Variants in PHACTR1 observed in about 807,000 individuals in gnomAD.
PHACTR1 encodes phosphatase and actin regulator 1.
In PHACTR1, 16 loss-of-function variants were observed where a neutral mutation model predicts 69.2. The observed-to-expected ratio is 0.23, with a 90% CI of 0.16 to 0.35. The LOEUF (loss-of-function observed/expected upper bound fraction) is 0.35. Among genes scored for constraint, PHACTR1 ranks in the 10% least tolerant of loss-of-function variants. The pLI is 1.00. For synonymous variants in PHACTR1, 312 were observed against 284.5 expected (o/e 1.10, Z -0.97); for missense variants, 510 against 734.7 (o/e 0.69, Z 3.54).
At chr6:13,236,109 G>C (rs1771951723) in intron 10 of PHACTR1, among the ~76,000 whole-genome samples, 1 of 148,736 alleles carries the variant, frequency 6.7e-6, no homozygotes, top group Admixed American at 6.7e-5. Flanking sequence ...TTTTTTGGCA[G>C]TCAGAGTTGA....
intron 4 of PHACTR1, among the ~76,000 whole-genome samples, chr6:12,999,051 G>A (rs11961007): frequency 0.46 from 70,572 of 152,048 alleles, 17,296 homozygotes; most frequent in African/African-American, 0.61. Flanking sequence ...TCAATATCTA[G>A]TTAAGCTAAA....
At chr6:12,918,916 G>A (rs17679590) in intron 4 of PHACTR1, among the ~76,000 whole-genome samples, 10,313 of 152,252 alleles carry the variant, frequency 0.068, 482 homozygotes, top group Non-Finnish European at 0.1. Context: ...AAAAAGTTGC[G>A]AAATTTCTTT....
intron 4 of PHACTR1, among the ~76,000 whole-genome samples, chr6:12,796,691 A>G (rs1428240843): frequency 6.6e-6 from 1 of 152,226 alleles, no homozygotes; most frequent in African/African-American, 2.4e-5. Context: ...CATCACACAG[A>G]AAAGAGCTTT....
chr6:12,946,195 T>C (rs1582634913), intron 4 of PHACTR1, among the ~76,000 whole-genome samples: 1 of 150,674 alleles, frequency 6.6e-6, no homozygotes, highest in African/African-American at 2.4e-5. Context: ...TAGGGAAAGA[T>C]GAAAAGTGTG....
chr6:13,021,943 C>G (rs925077018), intron 4 of PHACTR1, among the ~76,000 whole-genome samples: 4 of 152,188 alleles, frequency 2.6e-5, no homozygotes, highest in Non-Finnish European at 5.9e-5. Context: ...AGAAGAGGGT[C>G]AGAGAGTCAG....
At chr6:13,076,912 T>C (rs1386550458) in intron 5 of PHACTR1, among the ~76,000 whole-genome samples, 1 of 128,526 alleles carries the variant, frequency 7.8e-6, no homozygotes, top group Non-Finnish European at 1.6e-5. Flanking sequence ...ACAATGGTAG[T>C]TGAAAGTGAT....
At chr6:13,003,951 CTA>C (rs1384494931) in intron 4 of PHACTR1, among the ~76,000 whole-genome samples, 9 of 93,548 alleles carry the variant, frequency 9.6e-5, no homozygotes, top group Non-Finnish European at 1.2e-4. Flanking sequence ...AGTAGTATTC[CTA>C]TATATATATA....
chr6:13,041,603 T>G (rs149400146), intron 4 of PHACTR1, among the ~76,000 whole-genome samples: 2 of 152,262 alleles, frequency 1.3e-5, no homozygotes, highest in East Asian at 3.9e-4. Flanking sequence ...GATTCTCAAA[T>G]GGAATGTAAA....
intron 4 of PHACTR1, among the ~76,000 whole-genome samples, chr6:12,793,305 C>A (rs1398859621): frequency 6.6e-6 from 1 of 152,136 alleles, no homozygotes; most frequent in East Asian, 1.9e-4. Context: ...CAAAGCTTTG[C>A]ATATTTTTTC....
At chr6:12,722,724 T>C (rs1454738056) in intron 3 of PHACTR1, among the ~76,000 whole-genome samples, 1 of 152,188 alleles carries the variant, frequency 6.6e-6, no homozygotes, top group Non-Finnish European at 1.5e-5. Context: ...CAGCTGCCTC[T>C]CTCATGATTC....
chr6:13,244,748 C>G (rs562141907), intron 10 of PHACTR1, among the ~76,000 whole-genome samples: 3 of 150,252 alleles, frequency 2.0e-5, no homozygotes, highest in Non-Finnish European at 1.5e-5. Flanking sequence ...TCAAGGTGCC[C>G]ACATTTCATA....
At chr6:13,185,036 T>G in intron 7 of PHACTR1, 1 of 1,317,522 alleles carries the variant, frequency 7.6e-7, no homozygotes, top group Non-Finnish European at 1.0e-6. Flanking sequence ...GGGCAAGCAG[T>G]CCCTCCTTCC....
intron 4 of PHACTR1, among the ~76,000 whole-genome samples, chr6:12,753,482 G>T (rs773841756): frequency 5.3e-5 from 8 of 152,152 alleles, no homozygotes; most frequent in Non-Finnish European, 1.0e-4. Flanking sequence ...GGAAAGCAAG[G>T]CATCCTGATG....
At chr6:13,086,943 A>C (rs963308792) in intron 5 of PHACTR1, among the ~76,000 whole-genome samples, 1 of 151,882 alleles carries the variant, frequency 6.6e-6, no homozygotes, top group African/African-American at 2.4e-5. Context: ...TTATCCATTC[A>C]TTTATTTTAG....
intron 6 of PHACTR1, among the ~76,000 whole-genome samples, chr6:13,169,210 C>T (rs751209571): frequency 1.3e-5 from 2 of 152,028 alleles, no homozygotes; most frequent in African/African-American, 4.8e-5. Context: ...TGGGCGTGGG[C>T]GACTGGGTAG....
intron 6 of PHACTR1, among the ~76,000 whole-genome samples, chr6:13,169,065 G>A (rs962656182): frequency 1.3e-5 from 2 of 152,126 alleles, no homozygotes; most frequent in African/African-American, 4.8e-5. Context: ...TGGGTAGTGG[G>A]GAAAAGGGTA....
chr6:12,902,709 AC>A (rs1785332930), intron 4 of PHACTR1, among the ~76,000 whole-genome samples: 1 of 152,224 alleles, frequency 6.6e-6, no homozygotes, highest in Non-Finnish European at 1.5e-5. Flanking sequence ...CCATCAATCA[AC>A]TGGATGATGA....
intron 4 of PHACTR1, among the ~76,000 whole-genome samples, chr6:12,887,047 C>T (rs754927674): frequency 6.6e-6 from 1 of 152,086 alleles, no homozygotes; most frequent in African/African-American, 2.4e-5. Flanking sequence ...TCCTCCACCC[C>T]CTCCTCCTCC....
At chr6:12,764,630 A>T (rs960248019) in intron 4 of PHACTR1, among the ~76,000 whole-genome samples, 1 of 152,114 alleles carries the variant, frequency 6.6e-6, no homozygotes, top group South Asian at 2.1e-4. Context: ...TTCTTTCATT[A>T]CTTTCCTGGC....
Sources: allele counts gnomAD v4.1 joint callset (sites outside exome capture counted in the v4.1 genomes callset), GRCh38; gene constraint gnomAD v4.1.1; transcripts MANE v1.5; gene names NCBI Gene and HGNC (gene_info 2026-07-23, HGNC 2026-07-21).